Variants in ATE1 observed in about 807,000 individuals in gnomAD.
ATE1 encodes the protein arginyltransferase 1, also known as arginyl-tRNA--protein transferase 1.
A neutral mutation model predicts 70.5 loss-of-function variants in ATE1; 36 were observed. The observed-to-expected ratio is 0.51, with a 90% CI of 0.39 to 0.67. The LOEUF (loss-of-function observed/expected upper bound fraction) is 0.67. Ranked by LOEUF, ATE1 falls within the 30% of genes least tolerant of loss-of-function variation. The pLI is 0.00. For synonymous variants in ATE1, 232 were observed against 219.3 expected (o/e 1.06, Z -0.51); for missense variants, 593 against 629.5 (o/e 0.94, Z 0.62).
chr10:121,876,889 C>A (rs1248524323), intron 7 of ATE1, among the ~76,000 whole-genome samples: 2 of 151,630 alleles, frequency 1.3e-5, no homozygotes, highest in Non-Finnish European at 2.9e-5. Flanking sequence ...TGGCGGGAAC[C>A]CGGGAGGCGG....
intron 7 of ATE1, among the ~76,000 whole-genome samples, chr10:121,886,195 T>C (rs12245018): frequency 0.13 from 20,037 of 152,100 alleles, 1,521 homozygotes; most frequent in East Asian, 0.19. Flanking sequence ...AACATCATTT[T>C]GTTATAACTT....
chr10:121,903,888 TGGAAA>T (rs989641582), intron 5 of ATE1, among the ~76,000 whole-genome samples: 1 of 152,056 alleles, frequency 6.6e-6, no homozygotes, highest in African/African-American at 2.4e-5. Flanking sequence ...GAAAAAAACC[TGGAAA>T]GGAGACACCA....
intron 10 of ATE1, among the ~76,000 whole-genome samples, chr10:121,790,985 T>C (rs1208700867): frequency 2.0e-5 from 3 of 151,548 alleles, no homozygotes; most frequent in Admixed American, 2.0e-4. Context: ...TATATGTGTG[T>C]ATACATACAT....
chr10:121,746,908 T>A (rs1416465902), intron 11 of ATE1, among the ~76,000 whole-genome samples: 1 of 152,224 alleles, frequency 6.6e-6, no homozygotes, highest in Non-Finnish European at 1.5e-5. Context: ...TCCTACTATA[T>A]GAATTTATTT....
chr10:121,779,437 C>T (rs1176119279), intron 11 of ATE1, among the ~76,000 whole-genome samples: 3 of 152,188 alleles, frequency 2.0e-5, no homozygotes, highest in Admixed American at 1.3e-4. Context: ...AGAGAAAAGG[C>T]ATCAAGTGAG....
At chr10:121,906,435 G>A (rs1951194356) in intron 5 of ATE1, among the ~76,000 whole-genome samples, 1 of 151,984 alleles carries the variant, frequency 6.6e-6, no homozygotes, top group African/African-American at 2.4e-5. Context: ...TGGCTGAGGT[G>A]GGAAAATTGC....
chr10:121,799,457 A>C (rs1946789997), intron 10 of ATE1, among the ~76,000 whole-genome samples: 1 of 151,582 alleles, frequency 6.6e-6, no homozygotes, highest in African/African-American at 2.4e-5. Flanking sequence ...AAAAACAGGC[A>C]CTCACCAATA....
At chr10:121,916,105 T>C (rs1004074954) in intron 3 of ATE1, among the ~76,000 whole-genome samples, 15 of 149,670 alleles carry the variant, frequency 1.0e-4, no homozygotes, top group Admixed American at 8.0e-4. Flanking sequence ...CAGGCACCTG[T>C]AGTCCCAGCT....
At chr10:121,819,676 T>C (rs1348831175) in intron 10 of ATE1, among the ~76,000 whole-genome samples, 2 of 6,630 alleles carry the variant, frequency 3.0e-4, no homozygotes, top group Non-Finnish European at 7.4e-4. Flanking sequence ...AGCAAGACTG[T>C]CTCAAAAAAA....
chr10:121,915,961 G>A (rs1218960975), intron 3 of ATE1, among the ~76,000 whole-genome samples: 1 of 151,464 alleles, frequency 6.6e-6, no homozygotes, highest in African/African-American at 2.4e-5. Flanking sequence ...CTTCGGCCAG[G>A]CACAGTGGCT....
intron 8 of ATE1, among the ~76,000 whole-genome samples, chr10:121,868,790 T>C (rs974728853): frequency 1.3e-5 from 2 of 152,214 alleles, no homozygotes; most frequent in Non-Finnish European, 2.9e-5. Context: ...CAAACCTGGA[T>C]GGGACTACCC....
intron 9 of ATE1, among the ~76,000 whole-genome samples, chr10:121,838,013 G>C (rs187341620): frequency 6.6e-6 from 1 of 152,010 alleles, no homozygotes; most frequent in Non-Finnish European, 1.5e-5. Context: ...TCCATCAGCA[G>C]GTCTTTTGGG....
intron 7 of ATE1, among the ~76,000 whole-genome samples, chr10:121,889,879 A>G (rs1295925196): frequency 1.3e-5 from 2 of 152,180 alleles, no homozygotes; most frequent in Non-Finnish European, 2.9e-5. Context: ...CTGTGATGTT[A>G]TAGAATTTCT....
intron 7 of ATE1, among the ~76,000 whole-genome samples, chr10:121,879,581 G>A (rs1299606099): frequency 1.3e-5 from 2 of 152,084 alleles, no homozygotes; most frequent in South Asian, 4.1e-4. Flanking sequence ...TCAACTACTC[G>A]TGAATTCAAC....
intron 3 of ATE1, among the ~76,000 whole-genome samples, chr10:121,920,269 T>TG (rs891281516): frequency 6.6e-6 from 1 of 151,562 alleles, no homozygotes; most frequent in Non-Finnish European, 1.5e-5. Context: ...GAGGCTCCTT[T>TG]GAGCCTAGAA....
At chr10:121,872,358 C>A (rs1476314580) in intron 7 of ATE1, among the ~76,000 whole-genome samples, 2 of 152,062 alleles carry the variant, frequency 1.3e-5, no homozygotes, top group African/African-American at 2.4e-5. Flanking sequence ...TTGAAGCCAC[C>A]AAAATGTGAA....
intron 10 of ATE1, among the ~76,000 whole-genome samples, chr10:121,807,311 A>G (rs1281021684): frequency 6.6e-6 from 1 of 152,252 alleles, no homozygotes; most frequent in African/African-American, 2.4e-5. Context: ...GTTAAATTCA[A>G]AAAGAAAGGA....
chr10:121,822,013 C>T (rs973069141), intron 10 of ATE1, among the ~76,000 whole-genome samples: 4 of 152,148 alleles, frequency 2.6e-5, no homozygotes, highest in African/African-American at 9.7e-5. Context: ...CCTAAACACA[C>T]GCATACCCTA....
intron 10 of ATE1, among the ~76,000 whole-genome samples, chr10:121,807,586 C>T (rs1390224329): frequency 6.6e-6 from 1 of 152,100 alleles, no homozygotes; most frequent in East Asian, 1.9e-4. Context: ...AGATGATGCA[C>T]GTGATGACAC....
Sources: allele counts gnomAD v4.1 joint callset (sites outside exome capture counted in the v4.1 genomes callset), GRCh38; gene constraint gnomAD v4.1.1; transcripts MANE v1.5; gene names NCBI Gene and HGNC (gene_info 2026-07-23, HGNC 2026-07-21).